Variants in RANBP2 observed in about 807,000 individuals in gnomAD.
RANBP2 encodes the protein E3 SUMO-protein ligase RanBP2.
A neutral mutation model predicts 303.6 loss-of-function variants in RANBP2; 57 were observed. That is an observed-to-expected ratio of 0.19 (90% CI 0.15 to 0.23). The LOEUF is 0.23. RANBP2 is among the 10% of genes least tolerant of loss of function. The probability of loss-of-function intolerance (pLI) is 1.00; values close to 1 mark genes in which losing one functional copy is unlikely to be tolerated. For missense variants in RANBP2, 3,138 were observed against 3,780.8 expected, an observed-to-expected ratio of 0.83 and a Z score of 4.46; for synonymous variants, 1,167 against 1,301.5, an observed-to-expected ratio of 0.90 and a Z score of 2.23.
At chr2:109,298,628 A>G in the RANBP2 span, among the ~76,000 whole-genome samples, 1 of 151,952 alleles carries the variant, frequency 6.6e-6, no homozygotes, top group Admixed American at 6.6e-5. Flanking sequence ...TGTCAGTCAA[A>G]TGCTCCTCGG....
chr2:108,815,688 C>T, the RANBP2 span, among the ~76,000 whole-genome samples: 1 of 151,784 alleles, frequency 6.6e-6, no homozygotes, highest in Admixed American at 6.6e-5. Context: ...TCTCGAACTC[C>T]TAGGGAACTT....
intron 7 of RANBP2, among the ~76,000 whole-genome samples, chr2:108,742,196 A>G (rs972753358): frequency 7.2e-5 from 11 of 151,906 alleles, no homozygotes; most frequent in African/African-American, 1.9e-4. Context: ...GGGTTTCTCC[A>G]TGTTGGTCAG....
chr2:108,875,319 T>TA, the RANBP2 span, among the ~76,000 whole-genome samples: 220 of 118,464 alleles, frequency 1.9e-3, 4 homozygotes, highest in African/African-American at 8.4e-3. Flanking sequence ...TAAAGTATAA[T>TA]AAAAAAAAAA....
At chr2:109,315,611 C>A in the RANBP2 span, among the ~76,000 whole-genome samples, 1 of 152,240 alleles carries the variant, frequency 6.6e-6, no homozygotes, top group Non-Finnish European at 1.5e-5. Flanking sequence ...GTCAGTGATG[C>A]ACAAGGACGT....
chr2:109,228,712 G>T, the RANBP2 span, among the ~76,000 whole-genome samples: 1 of 152,094 alleles, frequency 6.6e-6, no homozygotes, highest in Non-Finnish European at 1.5e-5. Context: ...GCAGCCAGAT[G>T]GAGAGGTACA....
chr2:109,545,512 G>A, the RANBP2 span: 2 of 1,536,024 alleles, frequency 1.3e-6, no homozygotes, highest in Non-Finnish European at 1.7e-6. Flanking sequence ...TGACATCAAT[G>A]CACAGGAGTT....
the RANBP2 span, among the ~76,000 whole-genome samples, chr2:109,233,588 T>C: frequency 2.6e-5 from 4 of 152,332 alleles, no homozygotes; most frequent in Non-Finnish European, 5.9e-5. Flanking sequence ...AGGGCCATGG[T>C]GTCCAGGCTT....
At chr2:109,589,118 G>A in the RANBP2 span, among the ~76,000 whole-genome samples, 2 of 152,022 alleles carry the variant, frequency 1.3e-5, no homozygotes, top group Non-Finnish European at 2.9e-5. Context: ...TTGTTTGTTT[G>A]TTTGTTGTTG....
At chr2:109,379,800 A>T in the RANBP2 span, among the ~76,000 whole-genome samples, 1 of 152,026 alleles carries the variant, frequency 6.6e-6, no homozygotes, top group Non-Finnish European at 1.5e-5. Context: ...ATTGCCAAGA[A>T]CACTGGGCAG....
intron 6 of RANBP2, among the ~76,000 whole-genome samples, chr2:108,739,497 A>C (rs1320591291): frequency 2.0e-5 from 3 of 152,204 alleles, no homozygotes; most frequent in African/African-American, 7.2e-5. Context: ...AAGTAATTTT[A>C]ACTTCATGGA....
the RANBP2 span, among the ~76,000 whole-genome samples, chr2:109,477,625 TGTG>T: frequency 6.6e-6 from 1 of 151,954 alleles, no homozygotes; most frequent in Admixed American, 6.6e-5. Flanking sequence ...TGTGTGTGTG[TGTG>T]TGTGTGTGTG....
the RANBP2 span, among the ~76,000 whole-genome samples, chr2:109,392,615 C>T: frequency 6.6e-6 from 1 of 152,014 alleles, no homozygotes; most frequent in East Asian, 1.9e-4. Flanking sequence ...CGTGGGTTCA[C>T]GCCAGCCGTT....
intron 17 of RANBP2, among the ~76,000 whole-genome samples, chr2:108,755,840 C>T (rs1202667117): frequency 6.6e-6 from 1 of 152,090 alleles, no homozygotes; most frequent in African/African-American, 2.4e-5. Flanking sequence ...TCTCCTGCCT[C>T]AGCCTCCTGA....
chr2:109,559,835 C>CA, the RANBP2 span, among the ~76,000 whole-genome samples: 1 of 148,168 alleles, frequency 6.7e-6, no homozygotes, highest in South Asian at 2.2e-4. Flanking sequence ...AGAGCTGGAA[C>CA]AAAAATGGTT....
chr2:109,508,064 G>A, the RANBP2 span, among the ~76,000 whole-genome samples: 5 of 152,256 alleles, frequency 3.3e-5, no homozygotes, highest in Non-Finnish European at 7.3e-5. Flanking sequence ...TGCCCTCCAC[G>A]TGGCTCCTTC....
At chr2:108,734,934 G>A (rs941857951) in intron 4 of RANBP2, among the ~76,000 whole-genome samples, 41 of 152,282 alleles carry the variant, frequency 2.7e-4, no homozygotes, top group East Asian at 3.9e-4. Flanking sequence ...GTGCATGCCT[G>A]TGGTCCTAGC....
the RANBP2 span, among the ~76,000 whole-genome samples, chr2:109,591,143 TA>T: frequency 6.6e-6 from 1 of 152,250 alleles, no homozygotes; most frequent in African/African-American, 2.4e-5. Flanking sequence ...GTTATCTTCA[TA>T]TTTTTTTAAA....
chr2:109,419,916 C>G, the RANBP2 span, among the ~76,000 whole-genome samples: 1 of 152,202 alleles, frequency 6.6e-6, no homozygotes, highest in East Asian at 1.9e-4. Flanking sequence ...GGAGAGGAGC[C>G]AGCCATAGTG....
At chr2:109,365,402 G>A in the RANBP2 span, among the ~76,000 whole-genome samples, 1 of 152,210 alleles carries the variant, frequency 6.6e-6, no homozygotes, top group African/African-American at 2.4e-5. Context: ...GCTGCTTGGG[G>A]ATTTCTGGTA....
Sources: gnomAD v4.1 joint callset for allele counts (sites outside exome capture counted in the v4.1 genomes callset) on GRCh38, gnomAD v4.1.1 for gene constraint, MANE v1.5 for transcripts, NCBI Gene and HGNC (gene_info 2026-07-23, HGNC 2026-07-21) for gene names.